Variants in CXCL6 observed in about 807,000 individuals in gnomAD.
CXCL6 encodes C-X-C motif chemokine ligand 6, also known as C-X-C motif chemokine 6.
Under a neutral mutation model 10.5 loss-of-function variants are expected in CXCL6, and 18 were observed. The ratio of observed to expected loss-of-function variants is 1.71; its 90% CI spans 1.18 to 2.54. CXCL6 has a LOEUF of 2.54. Among genes scored for constraint, CXCL6 ranks in the 30% most tolerant of loss-of-function variants. CXCL6 has a pLI of 0.00. For missense variants in CXCL6, 171 were observed against 145.7 expected, an observed-to-expected ratio of 1.17 and a Z score of -0.90; for synonymous variants, 82 against 68.3, an observed-to-expected ratio of 1.20 and a Z score of -0.99.
rs1731125484 is a variant in CXCL6 at position 73,837,286 on chromosome 4, G to A, written c.326G>A (p.Ser109Asn). The A allele has an allele frequency of 6.2e-7, 1 of 1,612,392 alleles. No individual in the cohort carries two copies. Among genetic ancestry groups the A allele is most frequent in the Non-Finnish European group, 8.5e-7 (1 of 1,178,526 alleles). The change falls in exon 3 of 4, where the codon AGT becomes AAT. Residue 109 changes from serine (S) to asparagine (N), a missense_variant and splice_region_variant. Physicochemically the swap from Ser to Asn is conservative, Grantham distance 46. Coordinates refer to ENST00000226317, the MANE Select transcript of CXCL6 (RefSeq NM_002993.4). ...AAAGTCATCCAGAAAATTTTGGACAGGTATTTGTCCCTTTGATCTTTGTGG... is the reference window on the plus strand; with the variant it reads ...AAAGTCATCCAGAAAATTTTGGACAAGTATTTGTCCCTTTGATCTTTGTGG... ...LKKVIQKILD[S>N]GNKKN
At position 73,836,794 on chromosome 4, in the gene CXCL6, C is replaced by A; in HGVS notation, c.44C>A (p.Ser15Ter). Residue 15 changes from serine (S) to a stop codon, truncating the protein, a stop_gained, in exon 1 of 4, where the codon TCG becomes TAG. Transcript: ENST00000226317. LOFTEE classifies it high-confidence loss of function. ...CGCGCGGCCCGTGTCCCGGGTCCTT[C>A]GGGCTCCTTGTGCGCGCTGCTCGCG... is the stretch of plus-strand genomic sequence containing the variant. ...SSRAARVPGP[S>*]GSLCALLALL... 1 of 1,612,014 alleles carries A rather than the reference C, an allele frequency of 6.2e-7. No homozygotes were observed. Among genetic ancestry groups the A allele is most frequent in the Non-Finnish European group, 8.5e-7 (1 of 1,179,422 alleles).
rs1731129375 is a variant in CXCL6 at position 73,837,443 on chromosome 4, A to G, written c.326+157A>G. ...ACTTTTTTTCTGGAATGTTCTGGGT[A>G]AACCTTTATCACCAATCTTACATGC... On this transcript the variant is annotated intron_variant, in intron 3 of 3. Transcript: ENST00000226317. 5 of 941,796 alleles carry G rather than the reference A, an allele frequency of 5.3e-6. No homozygotes were observed. In the Admixed American group the frequency reaches 8.0e-5, roughly 15 times the overall value. 58.3% of individuals were successfully genotyped at this position (941,796 alleles called of 1,614,324 possible).
chr4:73,836,705 G>T lies in CXCL6; in HGVS notation c.-46G>T, dbSNP rs1435867520. The stretch of plus-strand genomic sequence containing the variant: ...AAGTGCTCTGTATCCTCCAGTCTCC[G>T]CGCCTCCACCCAGCTCAGGAACCCG... On this transcript the variant is annotated 5_prime_UTR_variant, in exon 1 of 4. Transcript: ENST00000226317. The T allele has an allele frequency of 6.6e-7, 1 of 1,513,438 alleles. No homozygotes were observed. Among genetic ancestry groups the T allele is most frequent in the Non-Finnish European group, 9.0e-7 (1 of 1,107,728 alleles). 93.8% of individuals were successfully genotyped at this position (1,513,438 alleles called of 1,614,324 possible). A position where few individuals can be genotyped will look rare whatever the true frequency, so the allele number is the denominator to read the frequency against.
Position 73,837,673 on chromosome 4 carries a change from C to A in CXCL6, c.*32C>A. ...AAAAAGACCATGCATCATAAAATTG[C>A]CCAGTCTTCAGCGGAGCAGTTTTCT... is the stretch of plus-strand genomic sequence containing the variant. On this transcript the variant is annotated 3_prime_UTR_variant, in exon 4 of 4. Transcript: ENST00000226317. The A allele has an allele frequency of 6.5e-7, 1 of 1,543,334 alleles. No homozygotes were observed. The highest frequency in any genetic ancestry group is 8.7e-7 in the Non-Finnish European group (1 of 1,155,894).
Position 73,837,271 on chromosome 4 carries a change from A to G in CXCL6, c.311A>G (p.Gln104Arg). The G allele has an allele frequency of 6.2e-7, 1 of 1,614,186 alleles. No individual in the cohort carries two copies. The highest frequency in any genetic ancestry group is 8.5e-7 in the Non-Finnish European group (1 of 1,180,024). Reference protein sequence around the residue: ...PEAPFLKKVIQKILDSGNKKN With the variant: ...PEAPFLKKVIRKILDSGNKKN ...GCCCCTTTTCTAAAGAAAGTCATCC[A>G]GAAAATTTTGGACAGGTATTTGTCC... The change falls in exon 3 of 4, where the codon CAG becomes CGG. Residue 104 changes from glutamine (Q) to arginine (R), a missense_variant. Physicochemically the swap from Gln to Arg is conservative, Grantham distance 43. Transcript: ENST00000226317.
At chr4:73,837,581 G>C in intron 3 of CXCL6, 42 bp from the exon 4 acceptor site, 12 of 1,560,778 alleles carry the variant, frequency 7.7e-6, no homozygotes, top group Non-Finnish European at 1.0e-5. Context: ...GCATACAAGA[G>C]TGTGGGAATT....
chr4:73,837,584 TG>T (rs751405485), intron 3 of CXCL6, 38 bp from the exon 4 acceptor site: 1 of 1,562,194 alleles, frequency 6.4e-7, no homozygotes, highest in South Asian at 1.2e-5. Context: ...TACAAGAGTG[TG>T]GGAATTGGTT....
Position 73,836,981 on chromosome 4 carries a change from G to C in CXCL6, c.127G>C (p.Val43Leu), listed in dbSNP as rs752348723. The change falls in exon 2 of 4, where the codon GTG (valine) becomes CTG (leucine). Residue 43 changes from valine (V) to leucine (L), a missense_variant. Coordinates refer to ENST00000226317, the MANE Select transcript of CXCL6 (RefSeq NM_002993.4). The part of the protein sequence containing the change: ...PLASAGPVSA[V>L]LTELRCTCLR... ...TTCCCCAGCTGGTCCTGTCTCTGCT[G>C]TGCTGACAGAGCTGCGTTGCACTTG... The C allele has an allele frequency of 3.7e-6, 6 of 1,610,948 alleles. No individual in the cohort carries two copies. The highest frequency in any genetic ancestry group is 2.2e-5 in the East Asian group (1 of 44,876).
chr4:73,838,496 G>C lies in CXCL6; in HGVS notation c.*855G>C, dbSNP rs965521602. 1.3e-5 allele frequency: 2 copies of C among 152,514 alleles called. No individual in the cohort carries two copies. Among genetic ancestry groups the C allele is most frequent in the African/African-American group, 4.8e-5 (2 of 41,424 alleles). The allele number at this position is 152,514 out of a possible 1,614,324, so 9.4% of individuals were successfully genotyped here. A position where few individuals can be genotyped will look rare whatever the true frequency, so the allele number is the denominator to read the frequency against. ...TTTAAATAAAAGCAAAATTAACAAT[G>C]ATCTGTGCTCTGAAAGTTTTGAAAA... On this transcript the variant is annotated 3_prime_UTR_variant, in exon 4 of 4. Coordinates refer to ENST00000226317, the MANE Select transcript of CXCL6 (RefSeq NM_002993.4).
rs1004773270 is a variant in CXCL6, at chr4:73,837,802, T to C, written c.*161T>C. 35 of 518,466 alleles carry C rather than the reference T, an allele frequency of 6.8e-5. No individual in the cohort carries two copies. In the African/African-American group the frequency reaches 6.8e-4, roughly 10 times the overall value. The allele number at this position is 518,466 out of a possible 1,614,324, so 32.1% of individuals were successfully genotyped here. A position where few individuals can be genotyped will look rare whatever the true frequency, so the allele number is the denominator to read the frequency against. ...GAGTGTGGGGGAAAGCCTACGCTTC[T>C]CCCTGAAGTTTACAGCTCAGCTAAT... On this transcript the variant is annotated 3_prime_UTR_variant, in exon 4 of 4. Coordinates refer to ENST00000226317, the MANE Select transcript of CXCL6 (RefSeq NM_002993.4).
At chr4:73,837,136 C>G in intron 2 of CXCL6, 40 bp downstream of exon 2, 1 of 1,613,078 alleles carries the variant, frequency 6.2e-7, no homozygotes, top group Non-Finnish European at 8.5e-7. Flanking sequence ...GTGACTTAGG[C>G]AAGTCCTCCA....
At position 73,836,817 on chromosome 4, in the gene CXCL6, G is replaced by C; in HGVS notation, c.67G>C (p.Ala23Pro). Residue 23 changes from alanine to proline, a missense_variant, in exon 1 of 4, where the codon GCG (alanine) becomes CCG (proline). By Grantham distance (27) the Ala-to-Pro change is conservative. Coordinates refer to ENST00000226317, the MANE Select transcript of CXCL6 (RefSeq NM_002993.4). ...GPSGSLCALL[A>P]LLLLLTPPGP... ...TTCGGGCTCCTTGTGCGCGCTGCTC[G>C]CGCTGCTGCTCCTGCTGACGCCGCC... The C allele has an allele frequency of 6.2e-7, 1 of 1,612,392 alleles. No homozygotes were observed. Among genetic ancestry groups the C allele is most frequent in the Non-Finnish European group, 8.5e-7 (1 of 1,179,426 alleles).
At position 73,837,225 on chromosome 4, in the gene CXCL6, C is replaced by G; in HGVS notation, c.265C>G (p.Gln89Glu). ...EVVASLKNGK[Q>E]VCLDPEAPFL... Reference sequence around the variant, plus strand: ...CAGAGCCTCCCTGAAGAACGGGAAGCAAGTTTGTCTGGACCCGGAAGCCCC... The same window carrying G: ...CAGAGCCTCCCTGAAGAACGGGAAGGAAGTTTGTCTGGACCCGGAAGCCCC... The change falls in exon 3 of 4, where the codon CAA becomes GAA. Residue 89 changes from glutamine (Q) to glutamate (E), a missense_variant. Gln to Glu is a conservative substitution (Grantham distance 29). Coordinates refer to ENST00000226317, the MANE Select transcript of CXCL6 (RefSeq NM_002993.4). The G allele has an allele frequency of 5.0e-6, 8 of 1,614,086 alleles. No homozygotes were observed. The highest frequency in any genetic ancestry group is 6.8e-6 in the Non-Finnish European group (8 of 1,180,030).
Position 73,837,164 on chromosome 4 carries a change from T to C in CXCL6, c.243-39T>C, listed in dbSNP as rs139087582. 5,373 of 1,613,778 alleles carry C rather than the reference T, an allele frequency of 3.3e-3. 33 individuals are homozygous for C. Among genetic ancestry groups the C allele is most frequent in the Middle Eastern group, 0.026 (160 of 6,062 alleles). Reference sequence around the variant, plus strand: ...GTCCTCCAGCCTGGGTCGTCAACCTTTGTGGCTCATGGGTGCATCCTCTTT... The same window carrying C: ...GTCCTCCAGCCTGGGTCGTCAACCTCTGTGGCTCATGGGTGCATCCTCTTT... On this transcript the variant is annotated intron_variant, in intron 2 of 3. Transcript: ENST00000226317.
Position 73,838,271 on chromosome 4 carries a change from A to G in CXCL6, c.*630A>G, listed in dbSNP as rs180693327. The G allele has an allele frequency of 6.6e-6, 1 of 152,234 alleles. No individual in the cohort carries two copies. The highest frequency in any genetic ancestry group is 6.5e-5 in the Admixed American group (1 of 15,290). The allele number at this position is 152,234 out of a possible 1,614,324, so 9.4% of individuals were successfully genotyped here. Reference sequence around the variant, plus strand: ...GTAAGGGCTAATATATTCTCTTCCTATGGTTTTAGACGTTTGATGTCTTCT... The same window carrying G: ...GTAAGGGCTAATATATTCTCTTCCTGTGGTTTTAGACGTTTGATGTCTTCT... On this transcript the variant is annotated 3_prime_UTR_variant, in exon 4 of 4. Transcript: ENST00000226317.
intron 3 of CXCL6, 126 bp from the exon 4 acceptor site, chr4:73,837,497 A>T: frequency 2.0e-6 from 2 of 987,416 alleles, no homozygotes; most frequent in Non-Finnish European, 3.1e-6. Context: ...CTCATTACTG[A>T]CATCTATTTT....
intron 2 of CXCL6, 22 bp from the exon 3 acceptor site, chr4:73,837,181 A>C: frequency 6.2e-7 from 1 of 1,614,024 alleles, no homozygotes; most frequent in Non-Finnish European, 8.5e-7. Flanking sequence ...TCATGGGTGC[A>C]TCCTCTTTTT....
chr4:73,836,854 C>T lies in CXCL6; in HGVS notation c.104C>T (p.Ala35Val), dbSNP rs776601097. Residue 35 changes from alanine to valine, a missense_variant, in exon 1 of 4, where the codon GCC (alanine) becomes GTC (valine). Transcript: ENST00000226317. ...CTGCTGACGCCGCCGGGGCCCCTCG[C>T]CAGCGGTGAGAGCTCCTGGCACTGG... is the stretch of plus-strand genomic sequence containing the variant. ...LLLLTPPGPL[A>V]SAGPVSAVLT... The T allele has an allele frequency of 3.1e-6, 5 of 1,612,318 alleles. No individual in the cohort carries two copies. In the Admixed American group the frequency reaches 8.4e-5, roughly 27 times the overall value.
In CXCL6 at chr4:73,837,730, G is replaced by A. The variant is rs1731137442; in HGVS notation, c.*89G>A. ...CCCTGGACCCAGTAAGAATAAGAAGGAAGGGTTGGTTTTTTTCCATTTTCT... is the reference window on the plus strand; with the variant it reads ...CCCTGGACCCAGTAAGAATAAGAAGAAAGGGTTGGTTTTTTTCCATTTTCT... On this transcript the variant is annotated 3_prime_UTR_variant, in exon 4 of 4. Coordinates refer to ENST00000226317, the MANE Select transcript of CXCL6 (RefSeq NM_002993.4). The A allele has an allele frequency of 3.4e-6, 4 of 1,176,142 alleles. No homozygotes were observed. Among genetic ancestry groups the A allele is most frequent in the Non-Finnish European group, 4.7e-6 (4 of 851,676 alleles). The allele number at this position is 1,176,142 out of a possible 1,614,324, so 72.9% of individuals were successfully genotyped here. A position where few individuals can be genotyped will look rare whatever the true frequency, so the allele number is the denominator to read the frequency against.
Sources: gnomAD v4.1 joint callset for allele counts on GRCh38, gnomAD v4.1.1 for gene constraint, MANE v1.5 for transcripts, NCBI Gene and HGNC (gene_info 2026-07-23, HGNC 2026-07-21) for gene names.